Variants in CDH13 observed in about 807,000 individuals in gnomAD.
CDH13 encodes the protein cadherin 13, also known as cadherin-13.
A neutral mutation model predicts 63.8 loss-of-function variants in CDH13; 24 were observed. The ratio of observed to expected loss-of-function variants is 0.38; its 90% CI spans 0.27 to 0.53. The LOEUF is 0.53. CDH13 is among the 20% of genes least tolerant of loss of function. The pLI is 0.85. For synonymous variants in CDH13, 503 were observed against 355.3 expected (o/e 1.42, Z -4.67); for missense variants, 1,049 against 903.1 (o/e 1.16, Z -2.07).
intron 6 of CDH13, among the ~76,000 whole-genome samples, chr16:83,396,444 G>T (rs7199848): frequency 0.085 from 12,961 of 152,214 alleles, 614 homozygotes; most frequent in South Asian, 0.12. Flanking sequence ...TTGGAAGGCA[G>T]CCAGGAGTCC....
intron 1 of CDH13, among the ~76,000 whole-genome samples, chr16:82,697,423 C>CTTT (rs34376129): frequency 3.8e-4 from 21 of 54,894 alleles, no homozygotes; most frequent in Non-Finnish European, 4.9e-4. Context: ...TTTCTTTTTT[C>CTTT]TTTTTTTTTT....
intron 3 of CDH13, among the ~76,000 whole-genome samples, chr16:83,104,476 G>A (rs1427011798): frequency 1.3e-5 from 2 of 152,150 alleles, no homozygotes; most frequent in African/African-American, 4.8e-5. Flanking sequence ...CTTCACTAAA[G>A]AGAGCCACAT....
intron 10 of CDH13, among the ~76,000 whole-genome samples, chr16:83,724,980 T>C (rs1352030696): frequency 2.0e-5 from 3 of 152,162 alleles, no homozygotes; most frequent in African/African-American, 2.4e-5. Flanking sequence ...GATTCACAGA[T>C]AGTGGGGATA....
At chr16:83,316,043 A>G (rs778348052) in intron 5 of CDH13, among the ~76,000 whole-genome samples, 2 of 152,174 alleles carry the variant, frequency 1.3e-5, no homozygotes, top group African/African-American at 4.8e-5. Context: ...GAAGCTTACA[A>G]TCATGGTGGA....
At chr16:83,710,454 G>C (rs1277814917) in intron 10 of CDH13, 3 of 152,170 alleles carry the variant, frequency 2.0e-5, no homozygotes, top group Non-Finnish European at 4.4e-5. Context: ...TGGAACTTGG[G>C]CTATAGCATT....
At chr16:83,081,433 C>G (rs866862662) in intron 3 of CDH13, among the ~76,000 whole-genome samples, 2 of 147,362 alleles carry the variant, frequency 1.4e-5, no homozygotes, top group South Asian at 2.1e-4. Flanking sequence ...GATCATATTA[C>G]CAGCGTTTAG....
intron 6 of CDH13, among the ~76,000 whole-genome samples, chr16:83,370,214 C>T (rs2091338962): frequency 6.6e-6 from 1 of 152,018 alleles, no homozygotes; most frequent in Admixed American, 6.6e-5. Flanking sequence ...GGTGAAACCC[C>T]ATCTCTACTA....
rs1419896545 is a variant in CDH13 at position 83,216,439 on chromosome 16, T to TAA, written c.484-905_484-904insAA. Among the ~76,000 whole-genome samples the TAA allele has an allele frequency of 4.1e-3, 446 of 108,154 alleles. 25 individuals are homozygous for TAA. The highest frequency in any genetic ancestry group is 5.8e-3 in the Middle Eastern group (1 of 172). The allele number at this position is 108,154 out of a possible 152,430, so 71.0% of individuals were successfully genotyped here. A position where few individuals can be genotyped will look rare whatever the true frequency, so the allele number is the denominator to read the frequency against. ...ATATATATATATATATATATATATATATATACACAACCCTAATTTGAGGTT... is the reference window on the plus strand; with the variant it reads ...ATATATATATATATATATATATATATAAATATACACAACCCTAATTTGAGGTT... On this transcript the variant is annotated intron_variant, in intron 4 of 13. Transcript: ENST00000567109.
intron 8 of CDH13, among the ~76,000 whole-genome samples, chr16:83,666,553 C>T (rs370956753): frequency 6.6e-6 from 1 of 152,224 alleles, no homozygotes. Flanking sequence ...GCCCACAGGG[C>T]CCTGCATAAG....
At chr16:83,452,895 A>T (rs1354721049) in intron 6 of CDH13, among the ~76,000 whole-genome samples, 2 of 152,204 alleles carry the variant, frequency 1.3e-5, no homozygotes, top group African/African-American at 4.8e-5. Context: ...CAGGAACACC[A>T]GCATTTCATT....
chr16:83,041,007 A>G (rs1917285815), intron 3 of CDH13, among the ~76,000 whole-genome samples: 2 of 152,168 alleles, frequency 1.3e-5, no homozygotes, highest in African/African-American at 4.8e-5. Flanking sequence ...TCAGGTGCTC[A>G]CTGTATAGGA....
At chr16:83,028,917 G>A (rs989415719) in intron 2 of CDH13, among the ~76,000 whole-genome samples, 2 of 152,172 alleles carry the variant, frequency 1.3e-5, no homozygotes, top group African/African-American at 4.8e-5. Context: ...TATTGAAAAT[G>A]TGCAGTGGTG....
At chr16:82,892,162 T>G (rs1049342951) in intron 2 of CDH13, among the ~76,000 whole-genome samples, 2 of 152,186 alleles carry the variant, frequency 1.3e-5, no homozygotes, top group African/African-American at 4.8e-5. Flanking sequence ...TCCTCATATG[T>G]GAAATGAAAA....
chr16:82,772,867 C>T (rs974690970), intron 1 of CDH13, among the ~76,000 whole-genome samples: 1 of 152,166 alleles, frequency 6.6e-6, no homozygotes, highest in Non-Finnish European at 1.5e-5. Context: ...GTCCCACTTC[C>T]TATGGACTGA....
chr16:83,445,654 C>G (rs1300533221), intron 6 of CDH13, among the ~76,000 whole-genome samples: 1 of 152,142 alleles, frequency 6.6e-6, no homozygotes, highest in African/African-American at 2.4e-5. Flanking sequence ...TTTTCTTTCT[C>G]CACCTTTTTT....
intron 1 of CDH13, among the ~76,000 whole-genome samples, chr16:82,787,579 A>G (rs1336765988): frequency 6.6e-6 from 1 of 152,222 alleles, no homozygotes; most frequent in Non-Finnish European, 1.5e-5. Flanking sequence ...TATGCTAGAC[A>G]TATGCATCAC....
At chr16:83,271,275 T>G (rs1226744642) in intron 5 of CDH13, among the ~76,000 whole-genome samples, 1 of 151,508 alleles carries the variant, frequency 6.6e-6, no homozygotes, top group Non-Finnish European at 1.5e-5. Context: ...CATCTTCTTG[T>G]ATTTCCAGTA....
At chr16:83,192,387 T>A (rs961124358) in intron 4 of CDH13, among the ~76,000 whole-genome samples, 1 of 152,172 alleles carries the variant, frequency 6.6e-6, no homozygotes, top group Non-Finnish European at 1.5e-5. Flanking sequence ...CCTTGAGCCG[T>A]TCAGAGTTGT....
intron 1 of CDH13, among the ~76,000 whole-genome samples, chr16:82,838,580 T>C (rs2038871606): frequency 6.6e-6 from 1 of 152,244 alleles, no homozygotes; most frequent in South Asian, 2.1e-4. Flanking sequence ...GCTTCTGGGC[T>C]TTCCAAATCT....
Sources: allele counts gnomAD v4.1 joint callset (sites outside exome capture counted in the v4.1 genomes callset), GRCh38; gene constraint gnomAD v4.1.1; transcripts MANE v1.5; gene names NCBI Gene and HGNC (gene_info 2026-07-23, HGNC 2026-07-21).